Variants in HFM1 observed in about 807,000 individuals in gnomAD.
HFM1 encodes the protein helicase for meiosis 1.
A neutral mutation model predicts 192.1 loss-of-function variants in HFM1; 169 were observed. The ratio of observed to expected loss-of-function variants is 0.88; its 90% CI spans 0.78 to 1.00. The LOEUF (loss-of-function observed/expected upper bound fraction) is 1.00. Among genes scored for constraint, HFM1 ranks in the 50% least tolerant of loss-of-function variants. HFM1 has a pLI of 0.00. For missense variants in HFM1, 1,661 were observed against 1,668.0 expected, an observed-to-expected ratio of 1.00 and a Z score of 0.07; for synonymous variants, 525 against 537.8, an observed-to-expected ratio of 0.98 and a Z score of 0.33.
intron 20 of HFM1, among the ~76,000 whole-genome samples, chr1:91,331,543 C>T (rs1025320990): frequency 1.4e-4 from 22 of 152,124 alleles, no homozygotes; most frequent in African/African-American, 5.1e-4. Flanking sequence ...ATAATAGCCA[C>T]AATTAAAATT....
Position 91,330,442 on chromosome 1 carries a change from G to C in HFM1, c.2336-5676C>G, listed in dbSNP as rs373964703. Reference sequence around the variant, plus strand: ...TTCCTAGACACATACAACCTACTAAGATTGAACCATGAAGAAACCCAAAAC... The same window carrying C: ...TTCCTAGACACATACAACCTACTAACATTGAACCATGAAGAAACCCAAAAC... On this transcript the variant is annotated intron_variant, in intron 20 of 38. Coordinates refer to ENST00000370425, the MANE Select transcript of HFM1 (RefSeq NM_001017975.6). Among the ~76,000 whole-genome samples the C allele has an allele frequency of 6.4e-4, 97 of 152,158 alleles. 3 individuals are homozygous for C. In the South Asian group the frequency reaches 0.018, roughly 29 times the overall value.
chr1:91,286,888 A>G (rs1276329521), intron 30 of HFM1, among the ~76,000 whole-genome samples: 1 of 152,186 alleles, frequency 6.6e-6, no homozygotes, highest in Non-Finnish European at 1.5e-5. Flanking sequence ...CTAGTCAAAG[A>G]AAGGGGTGAC....
At position 91,334,653 on chromosome 1, in the gene HFM1, G is replaced by A. The variant is rs983228589; in HGVS notation, c.2335+8777C>T. Among the ~76,000 whole-genome samples, 14 of 152,070 alleles carry A rather than the reference G, an allele frequency of 9.2e-5. No individual in the cohort carries two copies. The South Asian group carries it at 1.0e-3, about 11-fold the overall frequency. ...ACTTAAGAGGTTACTGGATTCGGCC[G>A]GGCGCATTGGCTCACACCTGTAATC... On this transcript the variant is annotated intron_variant, in intron 20 of 38. Transcript: ENST00000370425.
chr1:91,377,928 G>T (rs1661091808), intron 11 of HFM1, 97 bp downstream of exon 11: 2 of 1,088,328 alleles, frequency 1.8e-6, no homozygotes, highest in African/African-American at 3.2e-5. Flanking sequence ...CCTATTAAAG[G>T]AAAGGACAAA....
intron 6 of HFM1, among the ~76,000 whole-genome samples, chr1:91,383,692 T>C (rs1193978025): frequency 6.6e-6 from 1 of 152,006 alleles, no homozygotes; most frequent in Non-Finnish European, 1.5e-5. Context: ...ATAACTTTTG[T>C]GGATGCTAGA....
chr1:91,320,761 C>T (rs34258459), intron 23 of HFM1, among the ~76,000 whole-genome samples: 8,947 of 152,072 alleles, frequency 0.059, 281 homozygotes, highest in African/African-American at 0.065. Context: ...GCAGTGATGT[C>T]CTATGATCTT....
intron 6 of HFM1, among the ~76,000 whole-genome samples, chr1:91,383,934 T>C (rs1018999730): frequency 6.6e-6 from 1 of 151,652 alleles, no homozygotes; most frequent in African/African-American, 2.4e-5. Context: ...TTAAAAAATA[T>C]ACCATTTTTA....
In HFM1 at chr1:91,277,052, G is replaced by C; in HGVS notation, c.3402C>G (p.Ala1134=). The C allele has an allele frequency of 6.3e-7, 1 of 1,587,554 alleles. No homozygotes were observed. Among genetic ancestry groups the C allele is most frequent in the Non-Finnish European group, 8.6e-7 (1 of 1,164,352 alleles). ...TIAGPNKGTT[A]SKKPGNRECN... is the part of the protein sequence containing the mutation. ...ATTCTCGGTTCCCAGGTTTTTTGCT[G>C]GCAGTCGTTCCTAAATTAATATAAG... is the stretch of plus-strand genomic sequence containing the variant. Residue 1134 remains alanine, a synonymous_variant, in exon 31 of 39, where the codon GCC becomes GCG. Coordinates refer to ENST00000370425, the MANE Select transcript of HFM1 (RefSeq NM_001017975.6).
At chr1:91,341,225 A>G (rs973073681) in intron 20 of HFM1, among the ~76,000 whole-genome samples, 7 of 152,190 alleles carry the variant, frequency 4.6e-5, no homozygotes, top group Non-Finnish European at 8.8e-5. Context: ...AAAAAAAATC[A>G]TACCAGGCAC....
chr1:91,348,221 T>C (rs1257441151), intron 18 of HFM1, among the ~76,000 whole-genome samples: 4 of 151,926 alleles, frequency 2.6e-5, no homozygotes, highest in Non-Finnish European at 4.4e-5. Flanking sequence ...AAAAAGTAAC[T>C]ACAGAAAATA....
intron 13 of HFM1, among the ~76,000 whole-genome samples, chr1:91,353,652 C>CAAAAAA (rs1553213572): frequency 1.5e-5 from 1 of 65,428 alleles, no homozygotes; most frequent in African/African-American, 5.1e-5. Context: ...AGTAAATAAG[C>CAAAAAA]AAAAAAAAAA....
At chr1:91,289,697 C>CA (rs1307033784) in intron 30 of HFM1, among the ~76,000 whole-genome samples, 1 of 152,036 alleles carries the variant, frequency 6.6e-6, no homozygotes, top group Non-Finnish European at 1.5e-5. Flanking sequence ...CCGTCTCTAC[C>CA]AAAAAATACA....
chr1:91,325,342 G>C (rs1349879154), intron 20 of HFM1, among the ~76,000 whole-genome samples: 1 of 152,180 alleles, frequency 6.6e-6, no homozygotes, highest in East Asian at 1.9e-4. Flanking sequence ...ATCCCGAAGT[G>C]AAAGGCCTTG....
intron 4 of HFM1, among the ~76,000 whole-genome samples, chr1:91,392,175 G>A (rs1183333340): frequency 1.3e-5 from 2 of 151,908 alleles, no homozygotes; most frequent in Non-Finnish European, 2.9e-5. Flanking sequence ...CAACCATTGT[G>A]GAAGACAATA....
intron 13 of HFM1, among the ~76,000 whole-genome samples, chr1:91,362,236 A>G (rs1225075791): frequency 6.6e-6 from 1 of 152,204 alleles, no homozygotes; most frequent in Non-Finnish European, 1.5e-5. Flanking sequence ...TTAAATAGGA[A>G]GAGAGGAAGT....
chr1:91,402,158 TA>T (rs1664373367), intron 1 of HFM1, among the ~76,000 whole-genome samples: 1 of 152,180 alleles, frequency 6.6e-6, no homozygotes, highest in Admixed American at 6.5e-5. Flanking sequence ...TAATGCCATC[TA>T]GTGGAGAAAT....
In HFM1 at chr1:91,273,788, C is replaced by T. The variant is rs753239388; in HGVS notation, c.3696G>A (p.Leu1232=). Residue 1232 remains leucine (L), a synonymous_variant, in exon 34 of 39, where the codon TTG becomes TTA. Coordinates refer to ENST00000370425, the MANE Select transcript of HFM1 (RefSeq NM_001017975.6). The part of the protein sequence containing the change: ...SRSEYLNISE[L]PIMEQWDQPE... ...GCTGATCCCACTGCTCCATTATAGG[C>T]AATTCAGATATGTTTAAATATTCTG... The T allele has an allele frequency of 1.9e-6, 3 of 1,590,432 alleles. No individual in the cohort carries two copies. Among genetic ancestry groups the T allele is most frequent in the Non-Finnish European group, 2.6e-6 (3 of 1,160,636 alleles).
intron 30 of HFM1, among the ~76,000 whole-genome samples, chr1:91,289,768 G>A (rs921689971): frequency 6.6e-6 from 1 of 152,190 alleles, no homozygotes; most frequent in African/African-American, 2.4e-5. Context: ...GCTGAGGCAG[G>A]AGAATCAGGC....
chr1:91,333,791 T>C (rs1654172769), intron 20 of HFM1, among the ~76,000 whole-genome samples: 1 of 152,194 alleles, frequency 6.6e-6, no homozygotes, highest in Admixed American at 6.5e-5. Context: ...TCTTAACATG[T>C]ACTTTGTGCC....
Sources: allele counts gnomAD v4.1 joint callset (sites outside exome capture counted in the v4.1 genomes callset), GRCh38; gene constraint gnomAD v4.1.1; transcripts MANE v1.5; gene names NCBI Gene and HGNC (gene_info 2026-07-23, HGNC 2026-07-21).